Variants in DSCAM observed in about 807,000 individuals in gnomAD.
The protein encoded by DSCAM is DS cell adhesion molecule, also known as cell adhesion molecule DSCAM.
DSCAM carries 47 observed loss-of-function variants against 217.7 expected under a neutral mutation model. The ratio of observed to expected loss-of-function variants is 0.22; its 90% CI spans 0.17 to 0.28. DSCAM has a LOEUF of 0.28. Among genes scored for constraint, DSCAM ranks in the 10% least tolerant of loss-of-function variants. The pLI, the probability that DSCAM is intolerant of heterozygous loss-of-function variation, is 1.00. For missense variants in DSCAM, 2,080 were observed against 2,618.3 expected, an observed-to-expected ratio of 0.79 and a Z score of 4.49; for synonymous variants, 1,056 against 1,015.3, an observed-to-expected ratio of 1.04 and a Z score of -0.76.
At chr21:40,793,743 G>A (rs572981203) in intron 1 of DSCAM, among the ~76,000 whole-genome samples, 5 of 152,092 alleles carry the variant, frequency 3.3e-5, no homozygotes, top group South Asian at 4.2e-4. Context: ...CACCTGCCTC[G>A]GCCTCCCAAA....
In DSCAM at chr21:40,101,302, A is replaced by G. The variant is rs964883920; in HGVS notation, c.3697-7428T>C. ...AGAAGCAAGCCAACATTTATTATTA[A>G]TTAATCACTTCTCAATTGAAAGGCT... On this transcript the variant is annotated intron_variant, in intron 20 of 32. Coordinates refer to ENST00000400454, the MANE Select transcript of DSCAM (RefSeq NM_001389.5). Among the ~76,000 whole-genome samples, 5 of 152,040 alleles carry G rather than the reference A, an allele frequency of 3.3e-5. No individual in the cohort carries two copies. In the East Asian group the frequency reaches 9.6e-4, roughly 29 times the overall value.
At chr21:40,461,596 A>G (rs2075806435) in intron 3 of DSCAM, among the ~76,000 whole-genome samples, 1 of 152,080 alleles carries the variant, frequency 6.6e-6, no homozygotes, top group African/African-American at 2.4e-5. Flanking sequence ...CCCCCCACAA[A>G]TACGTTTGCA....
intron 28 of DSCAM, among the ~76,000 whole-genome samples, chr21:40,061,762 T>A (rs2089126667): frequency 6.6e-6 from 1 of 152,058 alleles, no homozygotes; most frequent in African/African-American, 2.4e-5. Flanking sequence ...AGTTTTTAAA[T>A]AACAAAGAGT....
At chr21:40,319,437 A>ATGTGTGTGTGTGTGTGTGTG (rs536367981) in intron 8 of DSCAM, among the ~76,000 whole-genome samples, 331 of 151,590 alleles carry the variant, frequency 2.2e-3, no homozygotes, top group African/African-American at 7.7e-3. Flanking sequence ...TCGTGTGTGC[A>ATGTGTGTGTGTGTGTGTGTG]TGTGTGTGTG....
At chr21:40,278,069 C>G (rs905624241) in intron 10 of DSCAM, among the ~76,000 whole-genome samples, 1 of 151,626 alleles carries the variant, frequency 6.6e-6, no homozygotes, top group African/African-American at 2.4e-5. Context: ...AAATCAATGT[C>G]AATTTTATTT....
chr21:40,693,827 T>C (rs990512085), intron 2 of DSCAM, among the ~76,000 whole-genome samples: 2 of 152,140 alleles, frequency 1.3e-5, no homozygotes, highest in African/African-American at 4.8e-5. Flanking sequence ...CAGAGTGGAC[T>C]TCCACGTCCT....
intron 3 of DSCAM, among the ~76,000 whole-genome samples, chr21:40,372,700 T>TC (rs2074910769): frequency 6.6e-6 from 1 of 152,218 alleles, no homozygotes; most frequent in South Asian, 2.1e-4. Context: ...ATATGTTACT[T>TC]CCCTTTGTTA....
At chr21:40,101,090 T>G (rs1437994439) in intron 20 of DSCAM, among the ~76,000 whole-genome samples, 2 of 152,200 alleles carry the variant, frequency 1.3e-5, no homozygotes, top group Non-Finnish European at 2.9e-5. Context: ...ATGCCAGGGA[T>G]TCCCTTCCAT....
At chr21:40,651,952 C>T (rs1205498219) in intron 3 of DSCAM, among the ~76,000 whole-genome samples, 1 of 152,014 alleles carries the variant, frequency 6.6e-6, no homozygotes, top group South Asian at 2.1e-4. Context: ...AAGAGGTCAG[C>T]CCCCCCACCT....
chr21:40,806,453 AC>A (rs2091788362), intron 1 of DSCAM, among the ~76,000 whole-genome samples: 1 of 152,228 alleles, frequency 6.6e-6, no homozygotes. Context: ...CTCTTGCAAT[AC>A]AAATATAGAG....
intron 3 of DSCAM, among the ~76,000 whole-genome samples, chr21:40,455,282 G>A (rs574404003): frequency 6.6e-6 from 1 of 152,054 alleles, no homozygotes; most frequent in Non-Finnish European, 1.5e-5. Context: ...TGAATGAAAA[G>A]AACTGAATGA....
intron 3 of DSCAM, among the ~76,000 whole-genome samples, chr21:40,545,651 T>C (rs2076576377): frequency 2.0e-5 from 3 of 151,938 alleles, no homozygotes; most frequent in Admixed American, 1.3e-4. Context: ...TTGGCAGGGG[T>C]AAGAATTGTG....
intron 16 of DSCAM, among the ~76,000 whole-genome samples, chr21:40,152,790 A>G (rs1176263258): frequency 6.6e-6 from 1 of 152,214 alleles, no homozygotes; most frequent in East Asian, 1.9e-4. Flanking sequence ...TGCTCACTGC[A>G]CCTGCCTGGA....
chr21:40,614,488 A>G (rs973440363), intron 3 of DSCAM, among the ~76,000 whole-genome samples: 2 of 152,216 alleles, frequency 1.3e-5, no homozygotes, highest in Non-Finnish European at 2.9e-5. Context: ...GGGAAAAAAG[A>G]CCTACTGTGT....
At chr21:40,665,879 A>G (rs1329379209) in intron 3 of DSCAM, among the ~76,000 whole-genome samples, 1 of 152,208 alleles carries the variant, frequency 6.6e-6, no homozygotes, top group Non-Finnish European at 1.5e-5. Context: ...AGATTGCAGA[A>G]CCATGGTTAG....
At chr21:40,643,568 G>A (rs776150469) in intron 3 of DSCAM, among the ~76,000 whole-genome samples, 4 of 152,140 alleles carry the variant, frequency 2.6e-5, no homozygotes, top group Non-Finnish European at 2.9e-5. Context: ...TTGGGATGCC[G>A]GCCAAGAGTG....
chr21:40,678,800 G>A (rs2090368856), intron 3 of DSCAM, among the ~76,000 whole-genome samples: 1 of 152,178 alleles, frequency 6.6e-6, no homozygotes, highest in Admixed American at 6.5e-5. Context: ...AAAACTGAAA[G>A]TAAAGTCTGA....
intron 21 of DSCAM, among the ~76,000 whole-genome samples, chr21:40,088,329 C>T (rs1021147214): frequency 2.0e-5 from 3 of 152,088 alleles, no homozygotes; most frequent in African/African-American, 7.2e-5. Context: ...TGAGGGTTTG[C>T]ATTGGCAAAG....
At chr21:40,013,410 A>G (rs531815293) in intron 32 of DSCAM, 24 bp from the exon 33 acceptor site, 1 of 1,486,212 alleles carries the variant, frequency 6.7e-7, no homozygotes, top group African/African-American at 1.4e-5. Context: ...CAGGGTAGTT[A>G]GTTGGTGTCT....
Sources: gnomAD v4.1 joint callset for allele counts (sites outside exome capture counted in the v4.1 genomes callset) on GRCh38, gnomAD v4.1.1 for gene constraint, MANE v1.5 for transcripts, NCBI Gene and HGNC (gene_info 2026-07-23, HGNC 2026-07-21) for gene names.